Variants in RAD54B observed in about 807,000 individuals in gnomAD.
RAD54B encodes the protein DNA repair and recombination protein RAD54B.
A neutral mutation model predicts 95.8 loss-of-function variants in RAD54B; 78 were observed. The ratio of observed to expected loss-of-function variants is 0.81; its 90% CI spans 0.68 to 0.98. The LOEUF is 0.98. Ranked by LOEUF, RAD54B falls within the 50% of genes least tolerant of loss-of-function variation. The pLI, the probability that RAD54B is intolerant of heterozygous loss-of-function variation, is 0.00. For missense variants in RAD54B, 957 were observed against 1,056.6 expected (o/e 0.91, Z 1.31); for synonymous variants, 328 against 354.9 (o/e 0.92, Z 0.85).
chr8:94,392,883 C>CTAAA (rs1563639826), intron 9 of RAD54B, among the ~76,000 whole-genome samples: 1 of 148,686 alleles, frequency 6.7e-6, no homozygotes, highest in African/African-American at 2.5e-5. Context: ...TGTCACCAGG[C>CTAAA]TAAAGTGCAG....
chr8:94,456,225 C>A (rs1287496375), intron 3 of RAD54B, among the ~76,000 whole-genome samples: 2 of 152,158 alleles, frequency 1.3e-5, no homozygotes, highest in Non-Finnish European at 2.9e-5. Context: ...AGGATATTAT[C>A]TGTAAACACG....
chr8:94,432,025 G>A, intron 3 of RAD54B: 1 of 1,389,122 alleles, frequency 7.2e-7, no homozygotes, highest in Non-Finnish European at 9.3e-7. Context: ...CCATAATAGA[G>A]ATTAACAACA....
chr8:94,431,014 C>T, intron 3 of RAD54B: 2 of 985,336 alleles, frequency 2.0e-6, no homozygotes, highest in Non-Finnish European at 2.4e-6. Flanking sequence ...TGGTCCCCTT[C>T]ACTGCTGAAA....
chr8:94,376,455 ATTAAAC>A (rs1203545446), intron 14 of RAD54B, among the ~76,000 whole-genome samples: 3 of 151,972 alleles, frequency 2.0e-5, no homozygotes, highest in Non-Finnish European at 2.9e-5. Context: ...TAAGCTAAGT[ATTAAAC>A]TTAAATATTG....
chr8:94,417,707 G>A (rs1055258508), intron 3 of RAD54B, among the ~76,000 whole-genome samples: 11 of 145,552 alleles, frequency 7.6e-5, no homozygotes, highest in Non-Finnish European at 1.7e-4. Context: ...CATATGTCTG[G>A]AAAAAAAAAA....
intron 2 of RAD54B, among the ~76,000 whole-genome samples, chr8:94,461,237 A>C (rs1812895925): frequency 7.6e-6 from 1 of 131,568 alleles, no homozygotes; most frequent in African/African-American, 3.0e-5. Flanking sequence ...CAATGGCGCA[A>C]TCTCGGCTCA....
At chr8:94,382,135 G>A (rs946052759) in intron 11 of RAD54B, among the ~76,000 whole-genome samples, 2 of 147,168 alleles carry the variant, frequency 1.4e-5, no homozygotes, top group African/African-American at 2.5e-5. Flanking sequence ...AAAAAAGAGA[G>A]CGAGAAAGGA....
Position 94,406,003 on chromosome 8 carries a change from TACACAC to T in RAD54B, c.781+1430_781+1435del, listed in dbSNP as rs10640285. Among the ~76,000 whole-genome samples the T allele has an allele frequency of 2.4e-3, 356 of 148,062 alleles. 1 individual carries two copies. Among genetic ancestry groups the T allele is most frequent in the Middle Eastern group, 3.5e-3 (1 of 286 alleles). On this transcript the variant is annotated intron_variant, in intron 5 of 14. Coordinates refer to ENST00000336148, the MANE Select transcript of RAD54B (RefSeq NM_012415.3). ...ATTTACTATTTACCTGAAGTGCTTTTACACACACACACACACACACACACATATATA... is the reference window on the plus strand; with the variant it reads ...ATTTACTATTTACCTGAAGTGCTTTTACACACACACACACACACATATATA...
chr8:94,417,787 G>A (rs550120696), intron 3 of RAD54B, among the ~76,000 whole-genome samples: 2 of 152,234 alleles, frequency 1.3e-5, no homozygotes, highest in African/African-American at 4.8e-5. Context: ...CTAGAATTCA[G>A]ATAAATTGTA....
chr8:94,421,347 T>C (rs1811803284), intron 3 of RAD54B, among the ~76,000 whole-genome samples: 1 of 152,210 alleles, frequency 6.6e-6, no homozygotes, highest in Non-Finnish European at 1.5e-5. Context: ...CTTAGACATC[T>C]TTGCCAGTTC....
chr8:94,378,892 A>C, intron 12 of RAD54B, among the ~76,000 whole-genome samples: 1 of 152,328 alleles, frequency 6.6e-6, no homozygotes. Flanking sequence ...ATAGATCTTC[A>C]TCAATGGGAC....
At chr8:94,396,152 G>T (rs1313946452) in intron 8 of RAD54B, among the ~76,000 whole-genome samples, 1 of 152,006 alleles carries the variant, frequency 6.6e-6, no homozygotes, top group Non-Finnish European at 1.5e-5. Context: ...CAATTGTATA[G>T]TATAGCATCA....
At chr8:94,474,687 A>C (rs112119993) in intron 1 of RAD54B, among the ~76,000 whole-genome samples, 6,049 of 152,182 alleles carry the variant, frequency 0.04, 135 homozygotes, top group Non-Finnish European at 0.049. Flanking sequence ...GAGACCCAAA[A>C]GCCAAGAGGA....
chr8:94,474,553 G>A (rs1455391522), intron 1 of RAD54B, among the ~76,000 whole-genome samples: 1 of 152,080 alleles, frequency 6.6e-6, no homozygotes, highest in Non-Finnish European at 1.5e-5. Context: ...GGAAATACAA[G>A]AAAAACCTGA....
At chr8:94,468,413 T>TA (rs1813081494) in intron 1 of RAD54B, among the ~76,000 whole-genome samples, 1 of 151,856 alleles carries the variant, frequency 6.6e-6, no homozygotes, top group Non-Finnish European at 1.5e-5. Flanking sequence ...ATGACATATG[T>TA]AAAAAGGTAA....
At chr8:94,462,504 T>C (rs957550427) in intron 2 of RAD54B, among the ~76,000 whole-genome samples, 3 of 152,200 alleles carry the variant, frequency 2.0e-5, no homozygotes, top group African/African-American at 7.2e-5. Context: ...TTCAATGGGC[T>C]ATAATCCATT....
chr8:94,378,883 T>C (rs563417418), intron 12 of RAD54B, among the ~76,000 whole-genome samples: 10 of 152,286 alleles, frequency 6.6e-5, no homozygotes, highest in Admixed American at 2.0e-4. Flanking sequence ...AGTGAGAGAA[T>C]AGATCTTCAT....
At chr8:94,415,149 G>A (rs1586150115) in intron 3 of RAD54B, among the ~76,000 whole-genome samples, 1 of 152,110 alleles carries the variant, frequency 6.6e-6, no homozygotes, top group Non-Finnish European at 1.5e-5. Context: ...AAACAGCATG[G>A]TACTGGTACC....
intron 8 of RAD54B, among the ~76,000 whole-genome samples, chr8:94,396,252 T>C (rs1811141453): frequency 6.8e-6 from 1 of 146,108 alleles, no homozygotes; most frequent in African/African-American, 2.6e-5. Flanking sequence ...GTAAAACCTG[T>C]AGAAGAAAAA....
Sources: gnomAD v4.1 joint callset for allele counts (sites outside exome capture counted in the v4.1 genomes callset) on GRCh38, gnomAD v4.1.1 for gene constraint, MANE v1.5 for transcripts, NCBI Gene and HGNC (gene_info 2026-07-23, HGNC 2026-07-21) for gene names.